PCDH15: variants seen among roughly 807,000 people sequenced by gnomAD.
PCDH15 encodes protocadherin related 15, also known as protocadherin-15.
A neutral mutation model predicts 178.5 loss-of-function variants in PCDH15; 129 were observed. The ratio of observed to expected loss-of-function variants is 0.72; its 90% CI spans 0.63 to 0.84. PCDH15 has a LOEUF of 0.84. Ranked by LOEUF, PCDH15 falls within the 40% of genes least tolerant of loss-of-function variation. The probability of loss-of-function intolerance (pLI) is 0.00; values close to 1 mark genes in which losing one functional copy is unlikely to be tolerated. For synonymous variants in PCDH15, 800 were observed against 732.0 expected, an observed-to-expected ratio of 1.09 and a Z score of -1.50; for missense variants, 2,230 against 2,099.9, an observed-to-expected ratio of 1.06 and a Z score of -1.21.
intron 2 of PCDH15, among the ~76,000 whole-genome samples, chr10:54,629,061 C>T (rs941745708): frequency 6.6e-6 from 1 of 151,952 alleles, no homozygotes; most frequent in Non-Finnish European, 1.5e-5. Context: ...GTTGAATTCT[C>T]AAAATTGCTA....
chr10:54,500,949 GA>G (rs2080622437), intron 3 of PCDH15, among the ~76,000 whole-genome samples: 1 of 152,100 alleles, frequency 6.6e-6, no homozygotes, highest in Non-Finnish European at 1.5e-5. Context: ...GGACATAGAT[GA>G]AGCTGGAAAC....
intron 1 of PCDH15, among the ~76,000 whole-genome samples, chr10:55,317,816 G>A (rs553184323): frequency 2.5e-4 from 38 of 152,200 alleles, no homozygotes; most frequent in African/African-American, 9.2e-4. Context: ...ACACATGGCT[G>A]AACGCCCAAG....
chr10:54,299,540 G>A (rs1454014016), intron 8 of PCDH15, among the ~76,000 whole-genome samples: 2 of 152,184 alleles, frequency 1.3e-5, no homozygotes, highest in Admixed American at 1.3e-4. Context: ...CAAAAGCACT[G>A]AGGCTACTGA....
At chr10:54,910,591 C>T (rs1009019583) in intron 2 of PCDH15, among the ~76,000 whole-genome samples, 16 of 152,088 alleles carry the variant, frequency 1.1e-4, no homozygotes, top group Admixed American at 6.6e-4. Context: ...ATATATTAAT[C>T]CCCATCAGAT....
chr10:54,371,590 T>G (rs1947678364), intron 4 of PCDH15, among the ~76,000 whole-genome samples: 1 of 151,942 alleles, frequency 6.6e-6, no homozygotes, highest in Admixed American at 6.6e-5. Flanking sequence ...AAAGCATGTT[T>G]TCACCATAAG....
chr10:55,550,504 G>A (rs1044952828), intron 2 of PCDH15, among the ~76,000 whole-genome samples: 1 of 152,112 alleles, frequency 6.6e-6, no homozygotes, highest in Non-Finnish European at 1.5e-5. Flanking sequence ...CCTTGAGCAC[G>A]AAGGTCTGTG....
chr10:54,561,865 G>C (rs2088210996), intron 2 of PCDH15, among the ~76,000 whole-genome samples: 1 of 150,540 alleles, frequency 6.6e-6, no homozygotes, highest in African/African-American at 2.4e-5. Flanking sequence ...TCTATTTTTA[G>C]TAGCGACAGG....
At chr10:55,365,356 C>T (rs1182974627) in intron 2 of PCDH15, among the ~76,000 whole-genome samples, 1 of 152,134 alleles carries the variant, frequency 6.6e-6, no homozygotes, top group Non-Finnish European at 1.5e-5. Flanking sequence ...CTGTCCTTCT[C>T]CTTTCCCCTT....
Position 54,724,840 on chromosome 10 carries a change from A to G in PCDH15, c.-28-60550T>C, listed in dbSNP as rs978288094. On this transcript the variant is annotated intron_variant, in intron 1 of 37. Coordinates refer to ENST00000644397, the MANE Select transcript of PCDH15 (RefSeq NM_001384140.1). ...GGCACATATACATATTTGTTACATT[A>G]TTATATTGCATAGTGGTGGGGATTG... 2.0e-5 allele frequency among the ~76,000 whole-genome samples: 3 copies of G among 151,154 alleles called. No homozygotes were observed. In the Middle Eastern group the frequency reaches 0.01, roughly 525 times the overall value.
intron 33 of PCDH15, 88 bp downstream of exon 33, chr10:53,820,077 T>C (rs2076202570): frequency 2.5e-6 from 1 of 395,756 alleles, no homozygotes; most frequent in Non-Finnish European, 4.5e-6. Flanking sequence ...TATCAAGAAA[T>C]TATAAATTTT....
chr10:55,150,129 AAGACAAGAGAAGAGG>A (rs1408426708), intron 2 of PCDH15, among the ~76,000 whole-genome samples: 2 of 151,962 alleles, frequency 1.3e-5, no homozygotes, highest in East Asian at 3.9e-4. Flanking sequence ...AAGAGGAGAG[AAGACAAGAGAAGAGG>A]AGAGAAAATG....
At chr10:54,353,291 A>G (rs1944449243) in intron 5 of PCDH15, among the ~76,000 whole-genome samples, 1 of 152,168 alleles carries the variant, frequency 6.6e-6, no homozygotes, top group Admixed American at 6.5e-5. Context: ...GAATTCAAAT[A>G]CAGTGCAAGT....
At chr10:55,062,798 G>T (rs1841467970) in intron 2 of PCDH15, among the ~76,000 whole-genome samples, 1 of 152,088 alleles carries the variant, frequency 6.6e-6, no homozygotes, top group Non-Finnish European at 1.5e-5. Flanking sequence ...CACTCTAGTG[G>T]AGGATATTGG....
At chr10:54,765,066 A>G (rs1948346098) in intron 1 of PCDH15, among the ~76,000 whole-genome samples, 3 of 152,208 alleles carry the variant, frequency 2.0e-5, no homozygotes, top group Admixed American at 2.0e-4. Context: ...TGATACTTGA[A>G]AAGAAATTAC....
chr10:55,400,081 A>G (rs1016069329), intron 2 of PCDH15, among the ~76,000 whole-genome samples: 3 of 152,006 alleles, frequency 2.0e-5, no homozygotes, highest in African/African-American at 7.2e-5. Context: ...ACTTCAGCAA[A>G]TATTTCTGAT....
At chr10:54,056,902 G>T (rs756558256) in intron 18 of PCDH15, among the ~76,000 whole-genome samples, 4 of 152,144 alleles carry the variant, frequency 2.6e-5, no homozygotes, top group Non-Finnish European at 4.4e-5. Context: ...CCAAATGAGA[G>T]AAATTGGCCA....
At chr10:55,121,679 T>C (rs899312532) in intron 2 of PCDH15, among the ~76,000 whole-genome samples, 4 of 152,098 alleles carry the variant, frequency 2.6e-5, no homozygotes, top group Non-Finnish European at 4.4e-5. Flanking sequence ...AGTGGGATTA[T>C]TGCCTTATAA....
intron 8 of PCDH15, among the ~76,000 whole-genome samples, chr10:54,282,170 T>G (rs988884380): frequency 2.0e-5 from 3 of 152,070 alleles, no homozygotes; most frequent in African/African-American, 7.2e-5. Context: ...CTCAGTTTGG[T>G]TTTAACACCA....
chr10:54,736,802 A>G (rs1411783664), intron 1 of PCDH15, among the ~76,000 whole-genome samples: 5 of 152,072 alleles, frequency 3.3e-5, no homozygotes, highest in Non-Finnish European at 7.4e-5. Flanking sequence ...ATTCTAGAGA[A>G]TAGGGTGTGA....
Sources: allele counts gnomAD v4.1 joint callset (sites outside exome capture counted in the v4.1 genomes callset), GRCh38; gene constraint gnomAD v4.1.1; transcripts MANE v1.5; gene names NCBI Gene and HGNC (gene_info 2026-07-23, HGNC 2026-07-21).